The following PPP6R1 variants were observed in gnomAD, a reference collection of about 807,000 sequenced individuals.
PPP6R1 encodes protein phosphatase 6 regulatory subunit 1.
PPP6R1 carries 39 observed loss-of-function variants against 104.6 expected under a neutral mutation model. The ratio of observed to expected loss-of-function variants is 0.37; its 90% CI spans 0.29 to 0.49. PPP6R1 has a LOEUF of 0.49. Among genes scored for constraint, PPP6R1 ranks in the 20% least tolerant of loss-of-function variants. The pLI, the probability that PPP6R1 is intolerant of heterozygous loss-of-function variation, is 0.98. For missense variants in PPP6R1, 1,181 were observed against 1,155.8 expected, an observed-to-expected ratio of 1.02 and a Z score of -0.32; for synonymous variants, 549 against 479.0, an observed-to-expected ratio of 1.15 and a Z score of -1.91.
At position 55,235,518 on chromosome 19, in the gene PPP6R1, C is replaced by CTT. The variant is rs1568944213; in HGVS notation, c.1988+1124_1988+1125insAA. On this transcript the variant is annotated intron_variant, in intron 17 of 23. Coordinates refer to ENST00000412770, the MANE Select transcript of PPP6R1 (RefSeq NM_014931.4). ...TAACTTAACTCATTTGAATTAGATT[C>CTT]CTTTTTTTTTTTTTTTCTGAGACAG... Among the ~76,000 whole-genome samples, 237 of 148,360 alleles carry CTT rather than the reference C, an allele frequency of 1.6e-3. 1 individual carries two copies. Among genetic ancestry groups the CTT allele is most frequent in the African/African-American group, 5.7e-3 (231 of 40,298 alleles).
chr19:55,230,304 A>G lies in PPP6R1; in HGVS notation c.*224T>C, dbSNP rs59713784. 1.8e-3 allele frequency: 1,110 copies of G among 602,780 alleles called. 8 individuals are homozygous for G. The highest frequency in any genetic ancestry group is 0.018 in the African/African-American group (969 of 53,980). 37.3% of individuals were successfully genotyped at this position (602,780 alleles called of 1,614,324 possible). On this transcript the variant is annotated 3_prime_UTR_variant, in exon 24 of 24. Transcript: ENST00000412770. ...CCATTCTCTCTATTTGACTCTCTGTATCTTTATTCTAGGAGGCAACGCTCC... is the reference window on the plus strand; with the variant it reads ...CCATTCTCTCTATTTGACTCTCTGTGTCTTTATTCTAGGAGGCAACGCTCC...
intron 17 of PPP6R1, chr19:55,233,230 G>C (rs533206956): frequency 6.6e-6 from 1 of 152,108 alleles, no homozygotes; most frequent in Non-Finnish European, 1.5e-5. Context: ...ACTTTAACTG[G>C]AAAGTAATAT....
chr19:55,232,016 G>A, intron 18 of PPP6R1, 34 bp from the exon 19 acceptor site: 1 of 1,609,122 alleles, frequency 6.2e-7, no homozygotes. Flanking sequence ...GATGGAGGGT[G>A]AACTCAGTAG....
Position 55,240,956 on chromosome 19 carries a change from C to A in PPP6R1, c.1285G>T (p.Val429Phe). The change falls in exon 10 of 24, where the codon GTT becomes TTT. Residue 429 changes from valine to phenylalanine, a missense_variant. This residue lies in a region of PPP6R1 where 1,042 missense variants were observed against 955.6 expected (regional missense o/e 1.09). Coordinates refer to ENST00000412770, the MANE Select transcript of PPP6R1 (RefSeq NM_014931.4). ...GAGTCCCAGCTCACATGTTTCACAA[C>A]AGGGTTTTGGATGGGCGTCTCAGGG... ...SSPETPIQNPVVKHLLQQCRL... is the reference protein window; with the variant it reads ...SSPETPIQNPFVKHLLQQCRL... 1 of 1,606,188 alleles carries A rather than the reference C, an allele frequency of 6.2e-7. No individual in the cohort carries two copies. Among genetic ancestry groups the A allele is most frequent in the South Asian group, 1.1e-5 (1 of 88,940 alleles).
chr19:55,258,914 C>T lies in PPP6R1; in HGVS notation c.-486G>A, dbSNP rs2087617824. The T allele has an allele frequency of 6.6e-6, 1 of 152,234 alleles. No individual in the cohort carries two copies. The highest frequency in any genetic ancestry group is 2.4e-5 in the African/African-American group (1 of 41,456). The allele number at this position is 152,234 out of a possible 1,614,324, so 9.4% of individuals were successfully genotyped here. On this transcript the variant is annotated 5_prime_UTR_variant, in exon 1 of 24. Transcript: ENST00000412770. ...AGCAGCGACCGACGGAAGCCGAGGCCTACTTCCTTAACCACCCCTTCCCCA... is the reference window on the plus strand; with the variant it reads ...AGCAGCGACCGACGGAAGCCGAGGCTTACTTCCTTAACCACCCCTTCCCCA...
At chr19:55,239,566 G>A in intron 14 of PPP6R1, 28 bp downstream of exon 14, 1 of 1,609,504 alleles carries the variant, frequency 6.2e-7, no homozygotes, top group South Asian at 1.1e-5. Context: ...GCATAGCCCA[G>A]CACAGCCCCA....
intron 1 of PPP6R1, among the ~76,000 whole-genome samples, chr19:55,248,128 G>C (rs1274830501): frequency 6.6e-6 from 1 of 152,214 alleles, no homozygotes; most frequent in Non-Finnish European, 1.5e-5. Context: ...GCTCCGCAGA[G>C]CCCTAGAAAG....
In PPP6R1 at chr19:55,245,968, T is replaced by C. The variant is rs1429200244; in HGVS notation, c.228-290A>G. On this transcript the variant is annotated intron_variant, in intron 2 of 23. Coordinates refer to ENST00000412770, the MANE Select transcript of PPP6R1 (RefSeq NM_014931.4). This position sits in a 1 kb window ranked among gnomAD's most constrained non-coding sequence, Gnocchi z 6.4. ...CCAATCCCCCAGCAGCTAACACTCA[T>C]CCCTTTTGCCTCTCAGCGGCTTCAC... Among the ~76,000 whole-genome samples the C allele has an allele frequency of 6.6e-6, 1 of 152,012 alleles. No homozygotes were observed. Among genetic ancestry groups the C allele is most frequent in the Non-Finnish European group, 1.5e-5 (1 of 67,980 alleles).
chr19:55,251,468 G>A (rs1202596674), intron 1 of PPP6R1, among the ~76,000 whole-genome samples: 4 of 152,304 alleles, frequency 2.6e-5, no homozygotes, highest in South Asian at 2.1e-4. Flanking sequence ...CCACTCCTAC[G>A]GGGTCCCTAA....
intron 2 of PPP6R1, among the ~76,000 whole-genome samples, chr19:55,246,182 A>C (rs1313361510): frequency 1.3e-5 from 2 of 152,136 alleles, no homozygotes; most frequent in Non-Finnish European, 2.9e-5. Flanking sequence ...GTGGGGAGGT[A>C]CCCCTTGGGA....
In PPP6R1 at chr19:55,239,829, G is replaced by C. The variant is rs368486415; in HGVS notation, c.1560C>G (p.Asp520Glu). Residue 520 changes from aspartate to glutamate, a missense_variant, in exon 13 of 24, where the codon GAC (aspartate) becomes GAG (glutamate). Transcript: ENST00000412770. Reference sequence around the variant, plus strand: ...AGGAAGAGAAGCTGGGCCTCACCAGGTCCACCATGTTCTTCTTGTTGGTCT... The same window carrying C: ...AGGAAGAGAAGCTGGGCCTCACCAGCTCCACCATGTTCTTCTTGTTGGTCT... ...LAETNKKNMV[D>E]LVNTHHLHSS... 3 of 1,613,724 alleles carry C rather than the reference G, an allele frequency of 1.9e-6. No homozygotes were observed. In the African/African-American group the frequency reaches 4.0e-5, roughly 22 times the overall value.
At position 55,241,158 on chromosome 19, in the gene PPP6R1, C is replaced by T. The variant is rs1029302753; in HGVS notation, c.1162-79G>A. 7.4e-6 allele frequency: 11 copies of T among 1,496,292 alleles called. No individual in the cohort carries two copies. The Admixed American group carries it at 8.2e-5, about 11-fold the overall frequency. The allele number at this position is 1,496,292 out of a possible 1,614,324, so 92.7% of individuals were successfully genotyped here. A position where few individuals can be genotyped will look rare whatever the true frequency, so the allele number is the denominator to read the frequency against. On this transcript the variant is annotated intron_variant, in intron 9 of 23. Coordinates refer to ENST00000412770, the MANE Select transcript of PPP6R1 (RefSeq NM_014931.4). This position sits in a 1 kb window ranked among gnomAD's most constrained non-coding sequence, Gnocchi z 5.4. ...CAACCCCTGAGCCCCCAGCCGAGCC[C>T]CCACCCCAGCCCCCGAACCCTCAGC...
rs1376481017 is a variant in PPP6R1, at chr19:55,240,129, G to C, written c.1362-15C>G. On this transcript the variant is annotated splice_polypyrimidine_tract_variant and intron_variant, in intron 11 of 23. Coordinates refer to ENST00000412770, the MANE Select transcript of PPP6R1 (RefSeq NM_014931.4). ...CTCCCGCACACCTGGCAAGAGTGAA[G>C]GCCGCGGCTGCAAGCCAGGACTGGA... 4.5e-6 allele frequency: 7 copies of C among 1,567,180 alleles called. No individual in the cohort carries two copies. In the African/African-American group the frequency reaches 8.2e-5, roughly 18 times the overall value.
chr19:55,231,423 T>C lies in PPP6R1; in HGVS notation c.2446A>G (p.Ser816Gly), dbSNP rs2087344810. Residue 816 changes from serine to glycine, a missense_variant, in exon 21 of 24, where the codon AGC becomes GGC. Coordinates refer to ENST00000412770, the MANE Select transcript of PPP6R1 (RefSeq NM_014931.4). ...CTCGCTGCTCACCTGTCCGAGGAGCTGGGGGCAGAACGGATCCCGTGGAAG... is the reference window on the plus strand; with the variant it reads ...CTCGCTGCTCACCTGTCCGAGGAGCCGGGGGCAGAACGGATCCCGTGGAAG... ...ATFHGIRSAP[S>G]SSDSATRDPS... 2 of 1,602,758 alleles carry C rather than the reference T, an allele frequency of 1.2e-6. No homozygotes were observed. Among genetic ancestry groups the C allele is most frequent in the African/African-American group, 2.7e-5 (2 of 74,716 alleles).
Position 55,231,714 on chromosome 19 carries a change from C to T in PPP6R1, c.2307-46G>A, listed in dbSNP as rs73621304. 970 of 1,536,118 alleles carry T rather than the reference C, an allele frequency of 6.3e-4. 7 individuals are homozygous for T. In the African/African-American group the frequency reaches 0.012, roughly 19 times the overall value. ...CCCAAGGGGGCAGCTAGGGTTAGCA[C>T]TCGAGCCTATGAGAGGACGGGGACC... On this transcript the variant is annotated intron_variant, in intron 19 of 23. Coordinates refer to ENST00000412770, the MANE Select transcript of PPP6R1 (RefSeq NM_014931.4).
rs556659640 is a variant in PPP6R1, at chr19:55,240,313, G to A, written c.1297-13C>T. On this transcript the variant is annotated splice_polypyrimidine_tract_variant and intron_variant, in intron 10 of 23. Transcript: ENST00000412770. ...ACTGCTGCAGCAGCTGCGGGAGAGC[G>A]GGACAGGATGGCCTGGAGGGGTGGT... 8.0e-5 allele frequency: 127 copies of A among 1,581,326 alleles called. No homozygotes were observed. In the East Asian group the frequency reaches 1.8e-3, roughly 22 times the overall value.
Position 55,231,791 on chromosome 19 carries a change from C to G in PPP6R1, c.2306+11G>C. ...ACCAGCACCATTTAGCCCGTTCCAT[C>G]CGGTTCTCACCTGAGCTGCAGGGCG... is the stretch of plus-strand genomic sequence containing the variant. On this transcript the variant is annotated intron_variant, in intron 19 of 23. Coordinates refer to ENST00000412770, the MANE Select transcript of PPP6R1 (RefSeq NM_014931.4). 6.7e-7 allele frequency: 1 copy of G among 1,496,232 alleles called. No individual in the cohort carries two copies. 92.7% of individuals were successfully genotyped at this position (1,496,232 alleles called of 1,614,324 possible).
At chr19:55,243,186 A>G (rs968107642) in intron 5 of PPP6R1, among the ~76,000 whole-genome samples, 25 of 152,230 alleles carry the variant, frequency 1.6e-4, no homozygotes, top group Non-Finnish European at 3.2e-4. Context: ...AGGCCGAGGC[A>G]GGTGGATCAC....
At chr19:55,237,052 T>C in intron 15 of PPP6R1, 82 bp from the exon 16 acceptor site, 1 of 1,397,582 alleles carries the variant, frequency 7.2e-7, no homozygotes, top group East Asian at 2.4e-5. Flanking sequence ...CTTTCTTCAC[T>C]CAACACAGAG....
Sources: gnomAD v4.1 joint callset for allele counts (sites outside exome capture counted in the v4.1 genomes callset) on GRCh38, gnomAD v4.1.1 for gene constraint, gnomAD v4.1.1 regional missense constraint, Gnocchi (gnomAD v3.1) non-coding constraint, MANE v1.5 for transcripts, NCBI Gene and HGNC (gene_info 2026-07-23, HGNC 2026-07-21) for gene names.